LUZP2: variants seen among roughly 807,000 people sequenced by gnomAD.
LUZP2 encodes the protein leucine zipper protein 2.
A neutral mutation model predicts 51.6 loss-of-function variants in LUZP2; 52 were observed. That is an observed-to-expected ratio of 1.01 (90% CI 0.81 to 1.27). LUZP2 has a LOEUF of 1.27. Ranked by LOEUF, LUZP2 falls within the 50% of genes most tolerant of loss-of-function variation. The probability of loss-of-function intolerance (pLI) is 0.00; values close to 1 mark genes in which losing one functional copy is unlikely to be tolerated. For missense variants in LUZP2, 436 were observed against 395.4 expected (o/e 1.10, Z -0.87); for synonymous variants, 154 against 137.3 (o/e 1.12, Z -0.85).
At chr11:25,070,379 AAAGAT>A (rs1425664126) in intron 10 of LUZP2, among the ~76,000 whole-genome samples, 2 of 152,002 alleles carry the variant, frequency 1.3e-5, no homozygotes, top group African/African-American at 2.4e-5. Flanking sequence ...AAGGCAAAGC[AAAGAT>A]AAGATATTTA....
intron 5 of LUZP2, among the ~76,000 whole-genome samples, chr11:24,870,119 C>T (rs534125198): frequency 6.6e-6 from 1 of 152,216 alleles, no homozygotes; most frequent in East Asian, 1.9e-4. Context: ...AATCAAGGCC[C>T]TAACTCTTCA....
In LUZP2 at chr11:24,602,854, T is replaced by C. The variant is rs1853788623; in HGVS notation, c.62+105549T>C. On this transcript the variant is annotated intron_variant, in intron 1 of 11. Coordinates refer to ENST00000336930, the MANE Select transcript of LUZP2 (RefSeq NM_001009909.4). Reference sequence around the variant, plus strand: ...TTATTCCTGGAGGGAAGAAGTACAGTGAGATTAAGGGAAGGTGGAAGTCTA... The same window carrying C: ...TTATTCCTGGAGGGAAGAAGTACAGCGAGATTAAGGGAAGGTGGAAGTCTA... Among the ~76,000 whole-genome samples the C allele has an allele frequency of 2.6e-5, 4 of 151,600 alleles. No individual in the cohort carries two copies. The South Asian group carries it at 8.3e-4, about 31-fold the overall frequency.
intron 5 of LUZP2, among the ~76,000 whole-genome samples, chr11:24,854,072 G>A (rs1851477229): frequency 1.3e-5 from 2 of 152,170 alleles, no homozygotes; most frequent in South Asian, 2.1e-4. Flanking sequence ...GCTGGGAGAT[G>A]TCTCCCACTC....
At chr11:24,660,061 A>C (rs1855966760) in intron 1 of LUZP2, among the ~76,000 whole-genome samples, 1 of 152,080 alleles carries the variant, frequency 6.6e-6, no homozygotes, top group Admixed American at 6.6e-5. Flanking sequence ...AAGTTCAGAG[A>C]GTGGAAGCAG....
chr11:24,677,896 G>A (rs1856616747), intron 1 of LUZP2, among the ~76,000 whole-genome samples: 1 of 152,014 alleles, frequency 6.6e-6, no homozygotes, highest in Admixed American at 6.5e-5. Context: ...AATTAGCCGG[G>A]CATGGTGGCG....
chr11:24,774,381 T>TATATATATAC (rs1184772523), intron 5 of LUZP2, among the ~76,000 whole-genome samples: 3 of 93,972 alleles, frequency 3.2e-5, no homozygotes, highest in East Asian at 2.9e-4. Context: ...TATATATATA[T>TATATATATAC]ACATACACAC....
At chr11:24,568,120 T>A (rs1852301967) in intron 1 of LUZP2, among the ~76,000 whole-genome samples, 1 of 152,166 alleles carries the variant, frequency 6.6e-6, no homozygotes, top group Non-Finnish European at 1.5e-5. Flanking sequence ...AGATGGAATA[T>A]GTTGCAAATT....
At position 24,730,014 on chromosome 11, in the gene LUZP2, T is replaced by C. The variant is rs566484885; in HGVS notation, c.180+728T>C. On this transcript the variant is annotated intron_variant, in intron 2 of 11. Coordinates refer to ENST00000336930, the MANE Select transcript of LUZP2 (RefSeq NM_001009909.4). ...GTAGACAATCTAGCTCCAGACACTA[T>C]TAGTTACTGAACTGAACCATGTTTT... 3.9e-5 allele frequency among the ~76,000 whole-genome samples: 6 copies of C among 151,914 alleles called. No individual in the cohort carries two copies. In the South Asian group the frequency reaches 1.0e-3, roughly 26 times the overall value.
intron 5 of LUZP2, among the ~76,000 whole-genome samples, chr11:24,814,775 G>A (rs1013678908): frequency 6.6e-6 from 1 of 152,040 alleles, no homozygotes; most frequent in Non-Finnish European, 1.5e-5. Context: ...GGTGGATCAC[G>A]AGATCAGGAG....
At chr11:24,519,255 A>G (rs1157834522) in intron 1 of LUZP2, among the ~76,000 whole-genome samples, 2 of 152,144 alleles carry the variant, frequency 1.3e-5, no homozygotes, top group African/African-American at 2.4e-5. Flanking sequence ...AGGATTGTAT[A>G]TAAGGACTGT....
chr11:24,878,726 C>T (rs1031431792), intron 5 of LUZP2, among the ~76,000 whole-genome samples: 6 of 151,660 alleles, frequency 4.0e-5, no homozygotes, highest in African/African-American at 7.3e-5. Flanking sequence ...TGTGCCATGG[C>T]GCTTTGCTGC....
rs77484761 is a variant in LUZP2, at chr11:24,643,593, G to A, written c.63-85576G>A. On this transcript the variant is annotated intron_variant, in intron 1 of 11. Transcript: ENST00000336930. ...TTCATGCCAACTACATAAGGCCTAC[G>A]CATCATGTAATTGAATTTGAATTAC... 2.6e-4 allele frequency among the ~76,000 whole-genome samples: 39 copies of A among 152,142 alleles called. 2 individuals carry two copies. In the South Asian group the frequency reaches 7.5e-3, roughly 29 times the overall value.
intron 9 of LUZP2, among the ~76,000 whole-genome samples, chr11:25,036,334 G>T (rs1244518873): frequency 6.6e-6 from 1 of 151,910 alleles, no homozygotes; most frequent in Non-Finnish European, 1.5e-5. Context: ...TGACATTTCT[G>T]ATTGTGCTTA....
At chr11:24,577,824 CTG>C (rs1347467864) in intron 1 of LUZP2, among the ~76,000 whole-genome samples, 1 of 152,036 alleles carries the variant, frequency 6.6e-6, no homozygotes, top group Non-Finnish European at 1.5e-5. Flanking sequence ...CATGGTCATG[CTG>C]TGATTATACA....
At chr11:24,911,690 A>C (rs1425620130) in intron 6 of LUZP2, among the ~76,000 whole-genome samples, 1 of 152,228 alleles carries the variant, frequency 6.6e-6, no homozygotes, top group Non-Finnish European at 1.5e-5. Context: ...TCCTTATAGC[A>C]GTGTGAGAAC....
chr11:24,946,810 T>G (rs527637940), intron 7 of LUZP2, among the ~76,000 whole-genome samples: 30 of 152,144 alleles, frequency 2.0e-4, no homozygotes, highest in African/African-American at 6.7e-4. Flanking sequence ...TATTGTCATT[T>G]TGTTACTCCA....
intron 1 of LUZP2, among the ~76,000 whole-genome samples, chr11:24,711,788 C>A (rs984921870): frequency 6.6e-6 from 1 of 152,064 alleles, no homozygotes; most frequent in African/African-American, 2.4e-5. Flanking sequence ...CTTCTCTGCC[C>A]TCTGTTAAAT....
intron 7 of LUZP2, among the ~76,000 whole-genome samples, chr11:24,940,207 A>G (rs906650159): frequency 3.3e-5 from 5 of 152,214 alleles, no homozygotes; most frequent in East Asian, 1.9e-4. Context: ...AAGCAATTTA[A>G]TGAGAATGGA....
chr11:24,941,465 CATTCAACAGATGA>C (rs1431609287), intron 7 of LUZP2, among the ~76,000 whole-genome samples: 1 of 152,100 alleles, frequency 6.6e-6, no homozygotes, highest in African/African-American at 2.4e-5. Context: ...GAAATTAATT[CATTCAACAGATGA>C]ATTCAACAGA....
Sources: allele counts gnomAD v4.1 joint callset (sites outside exome capture counted in the v4.1 genomes callset), GRCh38; gene constraint gnomAD v4.1.1; transcripts MANE v1.5; gene names NCBI Gene and HGNC (gene_info 2026-07-23, HGNC 2026-07-21).